The following TMEM132D variants were observed in gnomAD, a reference collection of about 807,000 sequenced individuals.
TMEM132D encodes the protein transmembrane protein 132D, also known as mature OL transmembrane protein.
In TMEM132D, 21 loss-of-function variants were observed where a neutral mutation model predicts 62.3. The ratio of observed to expected loss-of-function variants is 0.34; its 90% CI spans 0.24 to 0.49. The LOEUF is 0.49. Among genes scored for constraint, TMEM132D ranks in the 20% least tolerant of loss-of-function variants. The probability of loss-of-function intolerance (pLI) is 0.99; values close to 1 mark genes in which losing one functional copy is unlikely to be tolerated. For synonymous variants in TMEM132D, 621 were observed against 575.6 expected (o/e 1.08, Z -1.13); for missense variants, 1,346 against 1,402.8 (o/e 0.96, Z 0.65).
chr12:129,299,628 G>GTT (rs11394064), intron 4 of TMEM132D, among the ~76,000 whole-genome samples: 11,769 of 136,922 alleles, frequency 0.086, 1,116 homozygotes, highest in African/African-American at 0.21. Context: ...GAACAATCAG[G>GTT]TTTTTTTTTT....
intron 3 of TMEM132D, among the ~76,000 whole-genome samples, chr12:129,427,269 T>C (rs185996119): frequency 1.5e-3 from 225 of 152,220 alleles, no homozygotes; most frequent in African/African-American, 5.2e-3. Context: ...CGCAGCATCA[T>C]TCCTTCTCTT....
At chr12:129,238,348 A>G (rs893837239) in intron 4 of TMEM132D, among the ~76,000 whole-genome samples, 1 of 152,232 alleles carries the variant, frequency 6.6e-6, no homozygotes, top group Non-Finnish European at 1.5e-5. Flanking sequence ...CACATAATAT[A>G]AAAGTTTCCA....
chr12:129,886,735 T>C (rs1593199199), intron 1 of TMEM132D, among the ~76,000 whole-genome samples: 1 of 152,212 alleles, frequency 6.6e-6, no homozygotes, highest in Non-Finnish European at 1.5e-5. Flanking sequence ...ACATCTCATC[T>C]TGAACTGTAG....
intron 5 of TMEM132D, among the ~76,000 whole-genome samples, chr12:129,095,590 G>T (rs1875084853): frequency 6.6e-6 from 1 of 152,168 alleles, no homozygotes; most frequent in Admixed American, 6.5e-5. Context: ...GACCTCAGGT[G>T]ATCTGCCTGC....
chr12:129,530,972 T>C, intron 3 of TMEM132D, 87 bp downstream of exon 3: 1 of 1,360,042 alleles, frequency 7.4e-7, no homozygotes, highest in Admixed American at 2.2e-5. Context: ...ACAGTGGAAA[T>C]GGTTGTTAGC....
intron 1 of TMEM132D, among the ~76,000 whole-genome samples, chr12:129,800,936 G>C (rs1297025262): frequency 3.9e-5 from 6 of 152,216 alleles, no homozygotes; most frequent in Non-Finnish European, 5.9e-5. Flanking sequence ...CCCTTTCCTA[G>C]TTAAAGAAAG....
At chr12:129,274,408 G>A (rs1200527744) in intron 4 of TMEM132D, among the ~76,000 whole-genome samples, 5 of 152,142 alleles carry the variant, frequency 3.3e-5, no homozygotes, top group African/African-American at 7.2e-5. Flanking sequence ...TTCTCTCCCC[G>A]ATTCCAGCCA....
chr12:129,311,643 C>T (rs184255439), intron 4 of TMEM132D, among the ~76,000 whole-genome samples: 42 of 152,194 alleles, frequency 2.8e-4, no homozygotes, highest in African/African-American at 9.4e-4. Flanking sequence ...AGCCACATGA[C>T]GGGAAATACA....
At chr12:129,436,744 A>T (rs1317750142) in intron 3 of TMEM132D, among the ~76,000 whole-genome samples, 1 of 152,190 alleles carries the variant, frequency 6.6e-6, no homozygotes, top group Non-Finnish European at 1.5e-5. Flanking sequence ...TAGAAAACCA[A>T]GTGTGTGCGT....
At chr12:129,476,662 C>T (rs1046405407) in intron 3 of TMEM132D, among the ~76,000 whole-genome samples, 2 of 152,106 alleles carry the variant, frequency 1.3e-5, no homozygotes, top group Non-Finnish European at 2.9e-5. Flanking sequence ...CCATAAGGCG[C>T]GCTTTCTCCA....
chr12:129,814,024 CTGATGGAA>C (rs1412015660), intron 1 of TMEM132D, among the ~76,000 whole-genome samples: 6 of 152,234 alleles, frequency 3.9e-5, no homozygotes, highest in South Asian at 2.1e-4. Flanking sequence ...TCACTGAGGT[CTGATGGAA>C]TGATGGAATT....
At position 129,827,697 on chromosome 12, in the gene TMEM132D, G is replaced by A. The variant is rs955465809; in HGVS notation, c.79+75564C>T. 1.3e-5 allele frequency among the ~76,000 whole-genome samples: 2 copies of A among 152,158 alleles called. No homozygotes were observed. Among genetic ancestry groups the A allele is most frequent in the South Asian group, 4.1e-4 (2 of 4,830 alleles). On this transcript the variant is annotated intron_variant, in intron 1 of 8. Coordinates refer to ENST00000422113, the MANE Select transcript of TMEM132D (RefSeq NM_133448.3). The surrounding 1 kb of genome is among the most constrained non-coding windows in gnomAD (Gnocchi z 9.7). The stretch of plus-strand genomic sequence containing the variant: ...TCCAGCAAGTCTCAAGTGTAAAAAG[G>A]TGTCTGAGGAAGTTCTTGTTTGTCA...
chr12:129,825,708 G>A (rs541929353), intron 1 of TMEM132D, among the ~76,000 whole-genome samples: 12 of 152,206 alleles, frequency 7.9e-5, no homozygotes, highest in African/African-American at 2.4e-4. Flanking sequence ...GTGCCCTCGG[G>A]ACGCCCACTG....
intron 1 of TMEM132D, among the ~76,000 whole-genome samples, chr12:129,757,852 C>G (rs1322726688): frequency 6.6e-6 from 1 of 152,096 alleles, no homozygotes. Context: ...GCTGACCTGC[C>G]CCTCAGCTCT....
chr12:129,234,673 A>G (rs970284227), intron 4 of TMEM132D, among the ~76,000 whole-genome samples: 2 of 152,242 alleles, frequency 1.3e-5, no homozygotes, highest in Admixed American at 6.5e-5. Flanking sequence ...AAATATGCTA[A>G]GCTCACAAAA....
chr12:129,680,740 G>A (rs1242714491), intron 2 of TMEM132D, among the ~76,000 whole-genome samples: 1 of 152,202 alleles, frequency 6.6e-6, no homozygotes, highest in Admixed American at 6.5e-5. Context: ...ACAGCAACTA[G>A]AGGATGGTGA....
chr12:129,497,045 C>T lies in TMEM132D; in HGVS notation c.1115+34014G>A, dbSNP rs142809058. 2.7e-3 allele frequency among the ~76,000 whole-genome samples: 415 copies of T among 152,288 alleles called. 2 individuals carry two copies. The highest frequency in any genetic ancestry group is 9.4e-3 in the African/African-American group (392 of 41,578). On this transcript the variant is annotated intron_variant, in intron 3 of 8. Transcript: ENST00000422113. Reference sequence around the variant, plus strand: ...ATTGCTGGCCGGGCGCAGTGGCTCACGCCTGTCATCCCAGCACTTTGAGAG... The same window carrying T: ...ATTGCTGGCCGGGCGCAGTGGCTCATGCCTGTCATCCCAGCACTTTGAGAG...
At chr12:129,861,470 T>C (rs894655819) in intron 1 of TMEM132D, among the ~76,000 whole-genome samples, 2 of 152,202 alleles carry the variant, frequency 1.3e-5, no homozygotes, top group African/African-American at 2.4e-5. Context: ...CTTAGTTAAA[T>C]GATTACCAGG....
chr12:129,610,790 C>A (rs1326030868), intron 2 of TMEM132D, among the ~76,000 whole-genome samples: 1 of 151,614 alleles, frequency 6.6e-6, no homozygotes, highest in South Asian at 2.1e-4. Flanking sequence ...AAGTGAATTA[C>A]GAACTTGTTC....
Sources: gnomAD v4.1 joint callset for allele counts (sites outside exome capture counted in the v4.1 genomes callset) on GRCh38, gnomAD v4.1.1 for gene constraint, Gnocchi (gnomAD v3.1) non-coding constraint, MANE v1.5 for transcripts, NCBI Gene and HGNC (gene_info 2026-07-23, HGNC 2026-07-21) for gene names.